HID1: variants seen among roughly 807,000 people sequenced by gnomAD.
HID1 encodes HID1 domain containing.
In HID1, 42 loss-of-function variants were observed where a neutral mutation model predicts 89.7. The ratio of observed to expected loss-of-function variants is 0.47; its 90% CI spans 0.37 to 0.61. The LOEUF is 0.61. Among genes scored for constraint, HID1 ranks in the 20% least tolerant of loss-of-function variants. The pLI, the probability that HID1 is intolerant of heterozygous loss-of-function variation, is 0.00. For synonymous variants in HID1, 442 were observed against 433.8 expected (o/e 1.02, Z -0.24); for missense variants, 854 against 1,039.3 (o/e 0.82, Z 2.45).
chr17:74,972,521 G>T lies in HID1; in HGVS notation c.66+70C>A. On this transcript the variant is annotated intron_variant, in intron 1 of 18. Transcript: ENST00000425042. The surrounding 1 kb of genome is among the most constrained non-coding windows in gnomAD (Gnocchi z 6.4). ...CCCCATCTCCCGACGAGCCAAGTTC[G>T]CGTACCCCCGGCCCTGCCCAGCCCC... The T allele has an allele frequency of 1.4e-6, 2 of 1,410,738 alleles. No individual in the cohort carries two copies. The highest frequency in any genetic ancestry group is 1.9e-6 in the Non-Finnish European group (2 of 1,036,434). 87.4% of individuals were successfully genotyped at this position (1,410,738 alleles called of 1,614,324 possible). A position where few individuals can be genotyped will look rare whatever the true frequency, so the allele number is the denominator to read the frequency against.
chr17:74,952,412 G>C (rs781082645), intron 16 of HID1, 52 bp from the exon 17 acceptor site: 59 of 1,400,656 alleles, frequency 4.2e-5, no homozygotes, highest in Middle Eastern at 3.5e-4. Context: ...CGGAGGCTGC[G>C]GGGCAAGCCT....
Position 74,958,160 on chromosome 17 carries a change from C to T in HID1, c.1452G>A (p.Leu484=). 6.2e-7 allele frequency: 1 copy of T among 1,609,978 alleles called. No individual in the cohort carries two copies. The highest frequency in any genetic ancestry group is 8.5e-7 in the Non-Finnish European group (1 of 1,178,514). ...HQRLQPLFDC[L]LTIVVNVSPY... ...CCCTACCGTTGACCACGATGGTGAG[C>T]AGGCAGTCGAAGAGGGGCTGCAACC... The change falls in exon 12 of 19, where the codon CTG becomes CTA. Residue 484 remains leucine, a synonymous_variant. Transcript: ENST00000425042. The surrounding 1 kb of genome is among the most constrained non-coding windows in gnomAD (Gnocchi z 5.2).
chr17:74,952,097 G>T (rs1279212698), intron 17 of HID1, 34 bp from the exon 18 acceptor site: 1 of 1,551,964 alleles, frequency 6.4e-7, no homozygotes. Flanking sequence ...GCACACTCAC[G>T]TGGTCCAGGG....
chr17:74,961,114 A>G (rs1053984889), intron 6 of HID1, among the ~76,000 whole-genome samples: 36 of 152,234 alleles, frequency 2.4e-4, no homozygotes, highest in African/African-American at 8.4e-4. Flanking sequence ...AATGTGGCTG[A>G]TCGGAACCAA....
intron 1 of HID1, among the ~76,000 whole-genome samples, chr17:74,968,821 C>T (rs1012608686): frequency 6.6e-6 from 1 of 152,352 alleles, no homozygotes; most frequent in Admixed American, 6.5e-5. Context: ...AAACTAAGCA[C>T]AAGCAGGCAT....
At chr17:74,965,490 A>C (rs2039549236) in intron 1 of HID1, among the ~76,000 whole-genome samples, 1 of 152,156 alleles carries the variant, frequency 6.6e-6, no homozygotes. Flanking sequence ...ATACACCTGC[A>C]TTTACTACTC....
chr17:74,972,555 C>T lies in HID1; in HGVS notation c.66+36G>A, dbSNP rs2039665968. The T allele has an allele frequency of 3.9e-6, 6 of 1,531,924 alleles. No homozygotes were observed. The allele number at this position is 1,531,924 out of a possible 1,614,324, so 94.9% of individuals were successfully genotyped here. On this transcript the variant is annotated intron_variant, in intron 1 of 18. Coordinates refer to ENST00000425042, the MANE Select transcript of HID1 (RefSeq NM_030630.3). The surrounding 1 kb of genome is among the most constrained non-coding windows in gnomAD (Gnocchi z 6.4). ...CGGCCCTGCCCAGCCCCCAGCCCGG[C>T]AGGTGGATGGGGACGCCGGGGCCCC...
chr17:74,961,897 T>C lies in HID1; in HGVS notation c.704A>G (p.Gln235Arg), dbSNP rs139794488. The C allele has an allele frequency of 8.0e-5, 128 of 1,592,816 alleles. No homozygotes were observed. The highest frequency in any genetic ancestry group is 1.1e-4 in the Admixed American group (6 of 55,976). ...CCTGTTCTCCGTGGAACAAAAGAAC[T>C]GAACCCATGGGTTGGTGCTGCCACT... ...PESGSTNPWV[Q>R]FFCSTENRHA... Residue 235 changes from glutamine (Q) to arginine (R), a missense_variant, in exon 6 of 19, where the codon CAG becomes CGG. Coordinates refer to ENST00000425042, the MANE Select transcript of HID1 (RefSeq NM_030630.3).
rs1429845665 is a variant in HID1, at chr17:74,959,006, G to C, written c.1054C>G (p.Pro352Ala). 3 of 1,597,572 alleles carry C rather than the reference G, an allele frequency of 1.9e-6. No homozygotes were observed. The highest frequency in any genetic ancestry group is 2.6e-6 in the Non-Finnish European group (3 of 1,174,888). The change falls in exon 9 of 19, where the codon CCC (proline) becomes GCC (alanine). Residue 352 changes from proline to alanine, a missense_variant. Coordinates refer to ENST00000425042, the MANE Select transcript of HID1 (RefSeq NM_030630.3). The surrounding 1 kb of genome is among the most constrained non-coding windows in gnomAD (Gnocchi z 4.6). ...TTAGGCAGGTAGGTCTGGAGCAGGGGGTTGGACAGCAGCCGGGCTATACCC... is the reference window on the plus strand; with the variant it reads ...TTAGGCAGGTAGGTCTGGAGCAGGGCGTTGGACAGCAGCCGGGCTATACCC... The part of the protein sequence containing the change: ...LKGIARLLSN[P>A]LLQTYLPNST...
At position 74,964,523 on chromosome 17, in the gene HID1, C is replaced by T. The variant is rs774437062; in HGVS notation, c.176G>A (p.Arg59Gln). 13 of 1,609,842 alleles carry T rather than the reference C, an allele frequency of 8.1e-6. No homozygotes were observed. Among genetic ancestry groups the T allele is most frequent in the Non-Finnish European group, 9.3e-6 (11 of 1,178,384 alleles). The change falls in exon 2 of 19, where the codon CGG (arginine) becomes CAG (glutamine). Residue 59 changes from arginine (R) to glutamine (Q), a missense_variant. By Grantham distance (43) the Arg-to-Gln change is conservative (BLOSUM62 1). Transcript: ENST00000425042. ...LVPAAEIRAV[R>Q]EESPSNLATL... ...GGCCAAGTTGGAGGGTGACTCTTCC[C>T]GCACGGCCCGGATCTCTGCTGCCGG...
At chr17:74,971,678 C>T (rs1267040913) in intron 1 of HID1, among the ~76,000 whole-genome samples, 7 of 152,124 alleles carry the variant, frequency 4.6e-5, no homozygotes, top group African/African-American at 1.4e-4. Flanking sequence ...GAGTCAGGGC[C>T]GAGCATCTCT....
rs747706403 is a variant in HID1 at position 74,954,167 on chromosome 17, G to T, written c.1835C>A (p.Thr612Asn). The T allele has an allele frequency of 1.2e-6, 2 of 1,602,000 alleles. No individual in the cohort carries two copies. The highest frequency in any genetic ancestry group is 1.7e-6 in the Non-Finnish European group (2 of 1,175,464). ...AGTAGCCACCAGACTGGTCTTGAGG[G>T]TGCCTGGCTCTGCAGGGGCAGCGGG... Reference protein sequence around the residue: ...SRPAAPAEPGTLKTSLVATPG... With the variant: ...SRPAAPAEPGNLKTSLVATPG... Residue 612 changes from threonine (T) to asparagine (N), a missense_variant, in exon 14 of 19, where the codon ACC becomes AAC. Coordinates refer to ENST00000425042, the MANE Select transcript of HID1 (RefSeq NM_030630.3).
intron 1 of HID1, among the ~76,000 whole-genome samples, chr17:74,969,931 T>TC (rs1273144175): frequency 6.8e-6 from 1 of 145,994 alleles, no homozygotes; most frequent in Non-Finnish European, 1.5e-5. Flanking sequence ...TCTTTTTTTT[T>TC]TTTTTTTTTG....
chr17:74,960,959 C>T (rs1445520033), intron 6 of HID1, among the ~76,000 whole-genome samples: 2 of 150,582 alleles, frequency 1.3e-5, no homozygotes, highest in Non-Finnish European at 3.0e-5. Context: ...CCCGTGCTCA[C>T]GTGTCCCCCA....
intron 17 of HID1, 25 bp from the exon 18 acceptor site, chr17:74,952,088 C>A: frequency 1.3e-6 from 2 of 1,553,412 alleles, no homozygotes; most frequent in South Asian, 2.4e-5. Context: ...GTATCTCCAG[C>A]ACACTCACGT....
chr17:74,954,422 A>C, intron 13 of HID1, 57 bp from the exon 14 acceptor site: 1 of 1,546,742 alleles, frequency 6.5e-7, no homozygotes, highest in East Asian at 2.4e-5. Context: ...CCCCCCGTCC[A>C]ATCTGGGTGG....
intron 2 of HID1, 154 bp downstream of exon 2, chr17:74,964,329 C>T (rs751594078): frequency 2.0e-5 from 17 of 854,774 alleles, no homozygotes; most frequent in Non-Finnish European, 1.2e-5. Context: ...GTGGTCCCAA[C>T]GCCCAGCAAA....
Position 74,955,834 on chromosome 17 carries a change from G to A in HID1, c.1594C>T (p.Leu532Phe). The A allele has an allele frequency of 1.2e-6, 2 of 1,614,204 alleles. No homozygotes were observed. The highest frequency in any genetic ancestry group is 1.3e-5 in the African/African-American group (1 of 75,058). The change falls in exon 13 of 19, where the codon CTC becomes TTC. Residue 532 changes from leucine (L) to phenylalanine (F), a missense_variant. Transcript: ENST00000425042. ...ATGATGTTGTTGAAGACCTCCAGGA[G>A]GAAGAAGACCAGGTGGTGGTTCTGG... is the stretch of plus-strand genomic sequence containing the variant. ...AAQNHHLVFFLLEVFNNIIQY... is the reference protein window; with the variant it reads ...AAQNHHLVFFFLEVFNNIIQY...
At position 74,954,270 on chromosome 17, in the gene HID1, G is replaced by A. The variant is rs767121203; in HGVS notation, c.1732C>T (p.Leu578=). 6.3e-7 allele frequency: 1 copy of A among 1,588,450 alleles called. No homozygotes were observed. Among genetic ancestry groups the A allele is most frequent in the East Asian group, 2.3e-5 (1 of 43,772 alleles). ...TCAGGTGTCCGCCGGCGCCGCTGCA[G>A]GGCCTTGTGAATGGTGGGCGGGTCC... ...PTDPPTIHKA[L]QRRRRTPEPL... is the part of the protein sequence containing the mutation. The change falls in exon 14 of 19, where the codon CTG becomes TTG. Residue 578 remains leucine (L), a synonymous_variant. Coordinates refer to ENST00000425042, the MANE Select transcript of HID1 (RefSeq NM_030630.3).
Sources: gnomAD v4.1 joint callset for allele counts (sites outside exome capture counted in the v4.1 genomes callset) on GRCh38, gnomAD v4.1.1 for gene constraint, Gnocchi (gnomAD v3.1) non-coding constraint, MANE v1.5 for transcripts, NCBI Gene and HGNC (gene_info 2026-07-23, HGNC 2026-07-21) for gene names.